CARMIL1: variants seen among roughly 807,000 people sequenced by gnomAD.
CARMIL1 encodes capping protein regulator and myosin 1 linker 1, also known as F-actin-uncapping protein LRRC16A.
Under a neutral mutation model 177.1 loss-of-function variants are expected in CARMIL1, and 90 were observed. The ratio of observed to expected loss-of-function variants is 0.51; its 90% CI spans 0.43 to 0.61. CARMIL1 has a LOEUF of 0.61. CARMIL1 is among the 20% of genes least tolerant of loss of function. The probability of loss-of-function intolerance (pLI) is 0.00; values close to 1 mark genes in which losing one functional copy is unlikely to be tolerated. For synonymous variants in CARMIL1, 577 were observed against 606.2 expected, an observed-to-expected ratio of 0.95 and a Z score of 0.71; for missense variants, 1,380 against 1,667.0, an observed-to-expected ratio of 0.83 and a Z score of 3.00.
intron 2 of CARMIL1, among the ~76,000 whole-genome samples, chr6:25,383,980 C>T (rs553743143): frequency 5.8e-4 from 88 of 152,284 alleles, no homozygotes; most frequent in African/African-American, 2.0e-3. Context: ...GCTGGGATTA[C>T]AGGCATTTGC....
chr6:25,561,032 A>C (rs1811064589), intron 29 of CARMIL1, among the ~76,000 whole-genome samples: 1 of 152,138 alleles, frequency 6.6e-6, no homozygotes, highest in Non-Finnish European at 1.5e-5. Flanking sequence ...GTTTTCCTAT[A>C]TGCTTCTTAT....
At chr6:25,423,516 T>C (rs1796037482) in intron 3 of CARMIL1, among the ~76,000 whole-genome samples, 3 of 152,064 alleles carry the variant, frequency 2.0e-5, no homozygotes, top group African/African-American at 7.2e-5. Context: ...TTTGGGGAGC[T>C]GGAGTGTGGG....
At chr6:25,387,069 G>A (rs1022427978) in intron 2 of CARMIL1, among the ~76,000 whole-genome samples, 24 of 130,898 alleles carry the variant, frequency 1.8e-4, no homozygotes, top group African/African-American at 6.0e-5. Context: ...GGCCGAGATC[G>A]CACCATTGCA....
chr6:25,297,731 C>T (rs900134976), intron 2 of CARMIL1, among the ~76,000 whole-genome samples: 3 of 152,150 alleles, frequency 2.0e-5, no homozygotes, highest in African/African-American at 4.8e-5. Flanking sequence ...GCAGGTTGTC[C>T]GCAGAACTGA....
chr6:25,529,640 A>C (rs1807520496), intron 24 of CARMIL1, among the ~76,000 whole-genome samples: 2 of 151,446 alleles, frequency 1.3e-5, no homozygotes, highest in Non-Finnish European at 1.5e-5. Context: ...ACATCCATAA[A>C]ATAAGAATAG....
At chr6:25,459,273 T>TCTTTCTTTCTC (rs1390647134) in intron 8 of CARMIL1, among the ~76,000 whole-genome samples, 4 of 132,750 alleles carry the variant, frequency 3.0e-5, no homozygotes, top group Admixed American at 8.0e-5. Context: ...TTTCTTTTTT[T>TCTTTCTTTCTC]TTTTTTTAAG....
At chr6:25,603,307 C>T (rs1055981221) in intron 33 of CARMIL1, among the ~76,000 whole-genome samples, 2 of 152,120 alleles carry the variant, frequency 1.3e-5, no homozygotes, top group South Asian at 2.1e-4. Context: ...ATAGTGATGC[C>T]GAATAGTGTG....
At chr6:25,499,487 C>A (rs1326640060) in intron 16 of CARMIL1, among the ~76,000 whole-genome samples, 4 of 152,210 alleles carry the variant, frequency 2.6e-5, no homozygotes, top group Non-Finnish European at 5.9e-5. Flanking sequence ...ATAGGACTGA[C>A]TTGTCAAAGT....
intron 29 of CARMIL1, among the ~76,000 whole-genome samples, chr6:25,579,180 G>C (rs1421689367): frequency 2.7e-5 from 4 of 147,786 alleles, no homozygotes; most frequent in Non-Finnish European, 5.9e-5. Context: ...GTATCATAAA[G>C]ACTTTCATGA....
At chr6:25,580,193 G>A (rs760239700) in intron 29 of CARMIL1, among the ~76,000 whole-genome samples, 9 of 152,246 alleles carry the variant, frequency 5.9e-5, no homozygotes, top group Non-Finnish European at 1.3e-4. Context: ...GTTTATTTGT[G>A]TAGGTGATGA....
chr6:25,321,197 C>A (rs1044457735), intron 2 of CARMIL1, among the ~76,000 whole-genome samples: 9 of 152,298 alleles, frequency 5.9e-5, no homozygotes, highest in African/African-American at 1.9e-4. Context: ...TGATATTTGG[C>A]TAGTAAAATG....
At chr6:25,339,390 C>T (rs944409463) in intron 2 of CARMIL1, among the ~76,000 whole-genome samples, 1 of 152,188 alleles carries the variant, frequency 6.6e-6, no homozygotes, top group African/African-American at 2.4e-5. Context: ...TCTTCCTTGA[C>T]ACAAGGTTAT....
intron 29 of CARMIL1, among the ~76,000 whole-genome samples, chr6:25,557,851 G>T (rs1167538913): frequency 3.9e-5 from 6 of 152,166 alleles, no homozygotes; most frequent in African/African-American, 1.4e-4. Flanking sequence ...TTTAAAGTCT[G>T]TGAATAAAAT....
At chr6:25,482,788 T>C (rs1802250953) in intron 12 of CARMIL1, among the ~76,000 whole-genome samples, 1 of 152,164 alleles carries the variant, frequency 6.6e-6, no homozygotes, top group South Asian at 2.1e-4. Context: ...TCTTTAGAGA[T>C]TTCCTTATCT....
chr6:25,337,266 G>T (rs1434901168), intron 2 of CARMIL1, among the ~76,000 whole-genome samples: 1 of 152,152 alleles, frequency 6.6e-6, no homozygotes, highest in African/African-American at 2.4e-5. Context: ...AATGTTGATG[G>T]TTGAGCTTCC....
intron 6 of CARMIL1, 80 bp downstream of exon 6, chr6:25,450,075 T>G: frequency 8.3e-7 from 1 of 1,199,282 alleles, no homozygotes; most frequent in South Asian, 1.5e-5. Context: ...ATTCCTAGTG[T>G]GCTACTGTAA....
intron 29 of CARMIL1, chr6:25,576,934 T>C: frequency 1.0e-6 from 1 of 952,726 alleles, no homozygotes; most frequent in Non-Finnish European, 1.2e-6. Flanking sequence ...GCTTTATCTC[T>C]CTTCCATTCA....
intron 2 of CARMIL1, among the ~76,000 whole-genome samples, chr6:25,411,581 A>G (rs1178544058): frequency 6.6e-6 from 1 of 152,122 alleles, no homozygotes; most frequent in Non-Finnish European, 1.5e-5. Flanking sequence ...TGTTTCTTTT[A>G]TGCTTTGATA....
chr6:25,528,950 C>A, intron 24 of CARMIL1, 57 bp downstream of exon 24: 1 of 1,311,526 alleles, frequency 7.6e-7, no homozygotes, highest in Non-Finnish European at 1.1e-6. Flanking sequence ...CCTCTGAGAG[C>A]AAAGGACTTC....
Sources: allele counts gnomAD v4.1 joint callset (sites outside exome capture counted in the v4.1 genomes callset), GRCh38; gene constraint gnomAD v4.1.1; transcripts MANE v1.5; gene names NCBI Gene and HGNC (gene_info 2026-07-23, HGNC 2026-07-21).